EP400: variants seen among roughly 807,000 people sequenced by gnomAD.
The protein encoded by EP400 is E1A-binding protein p400.
EP400 carries 105 observed loss-of-function variants against 354.1 expected under a neutral mutation model. The ratio of observed to expected loss-of-function variants is 0.30; its 90% CI spans 0.25 to 0.35. The LOEUF is 0.35. Among genes scored for constraint, EP400 ranks in the 10% least tolerant of loss-of-function variants. The pLI, the probability that EP400 is intolerant of heterozygous loss-of-function variation, is 1.00. For synonymous variants in EP400, 1,646 were observed against 1,716.9 expected (o/e 0.96, Z 1.02); for missense variants, 3,280 against 4,121.0 (o/e 0.80, Z 5.59).
At chr12:131,992,148 G>T (rs1009496705) in intron 10 of EP400, 25 bp from the exon 11 acceptor site, 13 of 1,602,214 alleles carry the variant, frequency 8.1e-6, no homozygotes, top group Admixed American at 1.7e-5. Flanking sequence ...TCTCATGCTT[G>T]TGGTTTTTCT....
At chr12:131,993,964 G>A (rs1254061554) in intron 11 of EP400, among the ~76,000 whole-genome samples, 4 of 152,174 alleles carry the variant, frequency 2.6e-5, no homozygotes, top group South Asian at 2.1e-4. Context: ...TTAACCACCC[G>A]AGGTCGTCTT....
chr12:132,022,700 T>A (rs1252438396), intron 23 of EP400, among the ~76,000 whole-genome samples: 1 of 152,162 alleles, frequency 6.6e-6, no homozygotes, highest in Admixed American at 6.5e-5. Context: ...AGATTGACGC[T>A]TACCATCTAA....
Position 131,994,892 on chromosome 12 carries a change from A to G in EP400, c.2763A>G (p.Glu921=), listed in dbSNP as rs749797411. 1.9e-5 allele frequency: 30 copies of G among 1,614,022 alleles called. No individual in the cohort carries two copies. Among genetic ancestry groups the G allele is most frequent in the Non-Finnish European group, 2.4e-5 (28 of 1,180,000 alleles). ...TGGACGATGAAGAGGAAACAATTGA[A>G]GAGGAGGAAGCAAATGAAGGCGTTG... is the stretch of plus-strand genomic sequence containing the variant. ...DEVDDEEETI[E]EEEANEGVVD... Residue 921 remains glutamate, a synonymous_variant, in exon 12 of 53, where the codon GAA becomes GAG. Transcript: ENST00000389561. This position sits in a 1 kb window ranked among gnomAD's most constrained non-coding sequence, Gnocchi z 4.6.
Position 132,053,114 on chromosome 12 carries a change from G to A in EP400, c.7395-32G>A, listed in dbSNP as rs374109536. The stretch of plus-strand genomic sequence containing the variant: ...TACTTGTCTGTCTTAAAACTTGCCT[G>A]TATGTTTTTAACCTTTGCGTCTGTC... On this transcript the variant is annotated intron_variant, in intron 41 of 52. Coordinates refer to ENST00000389561, the MANE Select transcript of EP400 (RefSeq NM_015409.5). 1.9e-6 allele frequency: 3 copies of A among 1,612,268 alleles called. No homozygotes were observed. In the African/African-American group the frequency reaches 4.0e-5, roughly 22 times the overall value.
intron 15 of EP400, among the ~76,000 whole-genome samples, chr12:132,008,606 A>T (rs1893662827): frequency 6.7e-6 from 1 of 150,006 alleles, no homozygotes; most frequent in Non-Finnish European, 1.5e-5. Flanking sequence ...TTTGAGACAG[A>T]GTCTTGCTCT....
intron 2 of EP400, among the ~76,000 whole-genome samples, chr12:131,973,647 A>C (rs992790386): frequency 6.6e-6 from 1 of 152,206 alleles, no homozygotes; most frequent in Non-Finnish European, 1.5e-5. Flanking sequence ...TGTCTCAAAA[A>C]AAATAAGACA....
chr12:131,982,132 G>T lies in EP400; in HGVS notation c.1583G>T (p.Gly528Val). ...PPTPQAAQLAGQRQSQQQYDP... is the reference protein window; with the variant it reads ...PPTPQAAQLAVQRQSQQQYDP... The stretch of plus-strand genomic sequence containing the variant: ...ACGCCGCAGGCCGCGCAGCTCGCTG[G>T]ACAGAGGCAGAGTCAGCAGCAGTAT... Residue 528 changes from glycine (G) to valine (V), a missense_variant, in exon 5 of 53, where the codon GGA becomes GTA. By Grantham distance (109) the Gly-to-Val change is moderately radical. This residue lies in a region of EP400 where 800 missense variants were observed against 840.0 expected (regional missense o/e 0.95). Transcript: ENST00000389561. 6.3e-7 allele frequency: 1 copy of T among 1,576,508 alleles called. No homozygotes were observed. The highest frequency in any genetic ancestry group is 8.6e-7 in the Non-Finnish European group (1 of 1,157,388).
At chr12:132,047,486 A>C (rs2136582076) in intron 39 of EP400, among the ~76,000 whole-genome samples, 1 of 152,342 alleles carries the variant, frequency 6.6e-6, no homozygotes, top group South Asian at 2.1e-4. Flanking sequence ...GAGACATCAC[A>C]TGTCGGCAGG....
At chr12:131,981,113 C>G (rs1384978210) in intron 3 of EP400, among the ~76,000 whole-genome samples, 1 of 152,142 alleles carries the variant, frequency 6.6e-6, no homozygotes. Flanking sequence ...CAGCCTCATT[C>G]CCTGTGTGCT....
intron 25 of EP400, among the ~76,000 whole-genome samples, chr12:132,026,359 C>A (rs536584361): frequency 6.6e-5 from 10 of 152,306 alleles, no homozygotes; most frequent in African/African-American, 1.9e-4. Flanking sequence ...GGATGGAGCC[C>A]TTGTCCTGGT....
chr12:132,050,665 T>C lies in EP400; in HGVS notation c.7394+10T>C. 6.2e-7 allele frequency: 1 copy of C among 1,614,208 alleles called. No individual in the cohort carries two copies. The highest frequency in any genetic ancestry group is 1.1e-5 in the South Asian group (1 of 91,086). The stretch of plus-strand genomic sequence containing the variant: ...CTGTGTTGGCAGAAAGGTATTTCTC[T>C]ATTCGTGACACATTTGTTACTGTTT... On this transcript the variant is annotated intron_variant, in intron 41 of 52. Transcript: ENST00000389561. The surrounding 1 kb of genome is among the most constrained non-coding windows in gnomAD (Gnocchi z 4.8).
rs140612641 is a variant in EP400 at position 132,007,220 on chromosome 12, G to A, written c.3304+343G>A. On this transcript the variant is annotated intron_variant, in intron 15 of 52. Transcript: ENST00000389561. Reference sequence around the variant, plus strand: ...GCTTCTAGACTGGCATGAACCCGCCGTTGGGCTCTCAGCCGTGTGGGGTGG... The same window carrying A: ...GCTTCTAGACTGGCATGAACCCGCCATTGGGCTCTCAGCCGTGTGGGGTGG... Among the ~76,000 whole-genome samples the A allele has an allele frequency of 4.1e-4, 63 of 152,364 alleles. 1 individual carries two copies. Among genetic ancestry groups the A allele is most frequent in the Admixed American group, 3.3e-4 (5 of 15,308 alleles).
chr12:132,053,402 G>T lies in EP400; in HGVS notation c.7533G>T (p.Gln2511His). Reference sequence around the variant, plus strand: ...CCGTGGCCCAGCCACCCCCGCCCCAGCCGCAGCCCCCACCACCCCCGCAGC... The same window carrying T: ...CCGTGGCCCAGCCACCCCCGCCCCATCCGCAGCCCCCACCACCCCCGCAGC... The part of the protein sequence containing the change: ...QPAVAQPPPP[Q>H]PQPPPPPQQP... The change falls in exon 43 of 53, where the codon CAG (glutamine) becomes CAT (histidine). Residue 2511 changes from glutamine (Q) to histidine (H), a missense_variant. By Grantham distance (24) the Gln-to-His change is conservative. Transcript: ENST00000389561. 1 of 890,650 alleles carries T rather than the reference G, an allele frequency of 1.1e-6. No individual in the cohort carries two copies. 55.2% of individuals were successfully genotyped at this position (890,650 alleles called of 1,614,324 possible).
chr12:132,011,746 A>C, intron 16 of EP400, 112 bp downstream of exon 16: 23 of 1,300,792 alleles, frequency 1.8e-5, no homozygotes, highest in Non-Finnish European at 2.3e-5. Flanking sequence ...ATTAAAGATC[A>C]CTCATTCATG....
chr12:132,003,237 T>G (rs1893477949), intron 12 of EP400, among the ~76,000 whole-genome samples: 1 of 144,466 alleles, frequency 6.9e-6, no homozygotes, highest in Admixed American at 6.8e-5. Context: ...CCAAACCAAA[T>G]AAGCCAAAAT....
At chr12:132,005,259 T>G in intron 13 of EP400, 75 bp downstream of exon 13, 1 of 1,072,084 alleles carries the variant, frequency 9.3e-7, no homozygotes, top group East Asian at 2.9e-5. Flanking sequence ...TAAAATAAGA[T>G]TTAGAAAATT....
intron 29 of EP400, 68 bp downstream of exon 29, chr12:132,030,226 G>A (rs960524842): frequency 6.4e-7 from 1 of 1,555,356 alleles, no homozygotes; most frequent in Non-Finnish European, 8.8e-7. Context: ...TAAGTGCTGT[G>A]TAAATTCAGT....
At chr12:132,000,794 T>G (rs935555415) in intron 12 of EP400, among the ~76,000 whole-genome samples, 8 of 152,260 alleles carry the variant, frequency 5.3e-5, no homozygotes, top group Non-Finnish European at 1.2e-4. Context: ...TAAATTCCAG[T>G]TACCAGTTTG....
Position 132,075,408 on chromosome 12 carries a change from T to C in EP400, c.9022-1108T>C, listed in dbSNP as rs1896204490. Among the ~76,000 whole-genome samples the C allele has an allele frequency of 6.6e-6, 1 of 152,196 alleles. No individual in the cohort carries two copies. Reference sequence around the variant, plus strand: ...TTGGAGACTGGCAGTTCCTGACTCTTTGCAGGTTTCTTGGTACATTTAAGA... The same window carrying C: ...TTGGAGACTGGCAGTTCCTGACTCTCTGCAGGTTTCTTGGTACATTTAAGA... On this transcript the variant is annotated intron_variant, in intron 51 of 52. Coordinates refer to ENST00000389561, the MANE Select transcript of EP400 (RefSeq NM_015409.5). The surrounding 1 kb of genome is among the most constrained non-coding windows in gnomAD (Gnocchi z 4.5).
Sources: gnomAD v4.1 joint callset for allele counts (sites outside exome capture counted in the v4.1 genomes callset) on GRCh38, gnomAD v4.1.1 for gene constraint, gnomAD v4.1.1 regional missense constraint, Gnocchi (gnomAD v3.1) non-coding constraint, MANE v1.5 for transcripts, NCBI Gene and HGNC (gene_info 2026-07-23, HGNC 2026-07-21) for gene names.